The following GRM1 variants were observed in gnomAD, a reference collection of about 807,000 sequenced individuals.
GRM1 encodes glutamate metabotropic receptor 1.
A neutral mutation model predicts 90.9 loss-of-function variants in GRM1; 33 were observed. The observed-to-expected ratio is 0.36, with a 90% CI of 0.28 to 0.49. The LOEUF (loss-of-function observed/expected upper bound fraction) is 0.49. GRM1 is among the 20% of genes least tolerant of loss of function. GRM1 has a pLI of 0.99. For missense variants in GRM1, 1,190 were observed against 1,534.3 expected, an observed-to-expected ratio of 0.78 and a Z score of 3.75; for synonymous variants, 700 against 613.2, an observed-to-expected ratio of 1.14 and a Z score of -2.09.
intron 1 of GRM1, among the ~76,000 whole-genome samples, chr6:146,143,584 T>C (rs912372741): frequency 1.3e-5 from 2 of 152,214 alleles, no homozygotes; most frequent in Non-Finnish European, 2.9e-5. Flanking sequence ...AGTGACTGCA[T>C]ACCTAAAAAT....
intron 2 of GRM1, among the ~76,000 whole-genome samples, chr6:146,284,121 C>T (rs1782677787): frequency 6.6e-6 from 1 of 151,988 alleles, no homozygotes; most frequent in African/African-American, 2.4e-5. Flanking sequence ...TGATGAAAAC[C>T]CAGGGGTGCT....
chr6:146,041,352 A>T (rs867376185), intron 1 of GRM1, among the ~76,000 whole-genome samples: 10 of 151,978 alleles, frequency 6.6e-5, no homozygotes, highest in Admixed American at 6.6e-5. Flanking sequence ...TTAGTTATTT[A>T]TCCCAGTCTT....
At chr6:146,042,756 T>C (rs1791162561) in intron 1 of GRM1, among the ~76,000 whole-genome samples, 2 of 151,988 alleles carry the variant, frequency 1.3e-5, no homozygotes, top group Admixed American at 6.6e-5. Flanking sequence ...CTCTTCACTA[T>C]TGTACAGCCC....
chr6:146,298,623 G>C (rs1783268281), intron 2 of GRM1, among the ~76,000 whole-genome samples: 1 of 152,160 alleles, frequency 6.6e-6, no homozygotes, highest in South Asian at 2.1e-4. Flanking sequence ...GACTTTTCTG[G>C]AGGGGACTTT....
chr6:146,311,898 G>C (rs362945), intron 3 of GRM1, among the ~76,000 whole-genome samples: 57,804 of 151,922 alleles, frequency 0.38, 15,285 homozygotes, highest in African/African-American at 0.76. Flanking sequence ...TTTATTAGGT[G>C]ATTGAAATTT....
At chr6:146,287,417 TATA>T (rs1417880791) in intron 2 of GRM1, among the ~76,000 whole-genome samples, 1 of 152,218 alleles carries the variant, frequency 6.6e-6, no homozygotes, top group Admixed American at 6.5e-5. Flanking sequence ...AAGGTACAGA[TATA>T]AAGTTTCATT....
In GRM1 at chr6:146,399,696, C is replaced by A. The variant is rs781590901; in HGVS notation, c.2657C>A (p.Ala886Asp). 5 of 1,600,972 alleles carry A rather than the reference C, an allele frequency of 3.1e-6. No individual in the cohort carries two copies. In the South Asian group the frequency reaches 5.5e-5, roughly 18 times the overall value. ...FRRKKAGAGN[A>D]NSNGKSVSWS... ...AGAAAGAAGGCAGGGGCAGGGAATG[C>A]CAAGTGAGTTATCTGACCTGTTTGT... Residue 886 changes from alanine (A) to aspartate (D), a missense_variant, in exon 7 of 8, where the codon GCC (alanine) becomes GAC (aspartate). This residue lies in a region of GRM1 where 400 missense variants were observed against 360.8 expected (regional missense o/e 1.11). Transcript: ENST00000282753. This position sits in a 1 kb window ranked among gnomAD's most constrained non-coding sequence, Gnocchi z 5.4.
chr6:146,230,255 C>T (rs1780401142), intron 2 of GRM1, among the ~76,000 whole-genome samples: 1 of 151,936 alleles, frequency 6.6e-6, no homozygotes, highest in South Asian at 2.1e-4. Flanking sequence ...AAAATATTAA[C>T]AAAAGACAAA....
At chr6:146,401,599 G>A (rs1320544593) in intron 7 of GRM1, among the ~76,000 whole-genome samples, 7 of 152,054 alleles carry the variant, frequency 4.6e-5, no homozygotes, top group Middle Eastern at 3.2e-3. Context: ...TTTTCTGAGG[G>A]CTCCATTACA....
At chr6:146,154,870 C>G (rs1347786087) in intron 1 of GRM1, among the ~76,000 whole-genome samples, 1 of 152,190 alleles carries the variant, frequency 6.6e-6, no homozygotes, top group Non-Finnish European at 1.5e-5. Context: ...TATTATTAAT[C>G]TTTGAACTTC....
intron 2 of GRM1, among the ~76,000 whole-genome samples, chr6:146,260,873 A>G (rs1429108145): frequency 2.9e-5 from 1 of 34,218 alleles, no homozygotes; most frequent in Non-Finnish European, 5.9e-5. Context: ...TGATTTTTCT[A>G]TTTCTCCTTT....
intron 2 of GRM1, among the ~76,000 whole-genome samples, chr6:146,172,619 A>G (rs1778176114): frequency 6.6e-6 from 1 of 152,104 alleles, no homozygotes; most frequent in African/African-American, 2.4e-5. Flanking sequence ...GAACTTGATA[A>G]AAAGTAAGAA....
At chr6:146,191,882 A>G (rs1197352891) in intron 2 of GRM1, among the ~76,000 whole-genome samples, 4 of 152,286 alleles carry the variant, frequency 2.6e-5, no homozygotes, top group South Asian at 2.1e-4. Flanking sequence ...TGTGCTGAAT[A>G]TAAATGGTTT....
intron 5 of GRM1, among the ~76,000 whole-genome samples, chr6:146,373,933 T>G (rs1195079115): frequency 3.9e-5 from 6 of 152,120 alleles, no homozygotes; most frequent in Admixed American, 3.9e-4. Context: ...GTATCCTTGT[T>G]GTGCTCCACA....
chr6:146,121,004 A>C (rs1273497222), intron 1 of GRM1, among the ~76,000 whole-genome samples: 2 of 152,164 alleles, frequency 1.3e-5, no homozygotes, highest in Non-Finnish European at 2.9e-5. Flanking sequence ...ATAGTTTCAG[A>C]AGGAATGGTA....
rs776455290 is a variant in GRM1, at chr6:146,426,521, C to A, written c.2661-7351C>A. ...CCATATCTGTACACATGTATAACCC[C>A]CTCGCTCACTGGGTGTCTTTTTCTT... On this transcript the variant is annotated intron_variant, in intron 7 of 7. Transcript: ENST00000282753. The A allele has an allele frequency of 3.2e-6, 5 of 1,586,946 alleles. No homozygotes were observed. The South Asian group carries it at 4.6e-5, about 15-fold the overall frequency.
At chr6:146,341,805 C>T (rs969315974) in intron 3 of GRM1, among the ~76,000 whole-genome samples, 4 of 152,160 alleles carry the variant, frequency 2.6e-5, no homozygotes, top group East Asian at 1.9e-4. Flanking sequence ...CCAGTCTTAA[C>T]GAGAAGCCTT....
intron 2 of GRM1, among the ~76,000 whole-genome samples, chr6:146,294,083 T>A (rs1363753928): frequency 6.6e-6 from 1 of 151,806 alleles, no homozygotes; most frequent in African/African-American, 2.4e-5. Context: ...ATCATTTTTA[T>A]TACATCTTTC....
intron 2 of GRM1, among the ~76,000 whole-genome samples, chr6:146,294,520 G>A (rs928951666): frequency 6.6e-6 from 1 of 151,040 alleles, no homozygotes; most frequent in Non-Finnish European, 1.5e-5. Context: ...GTATGCCATC[G>A]AAACACATTC....
Sources: gnomAD v4.1 joint callset for allele counts (sites outside exome capture counted in the v4.1 genomes callset) on GRCh38, gnomAD v4.1.1 for gene constraint, gnomAD v4.1.1 regional missense constraint, Gnocchi (gnomAD v3.1) non-coding constraint, MANE v1.5 for transcripts, NCBI Gene and HGNC (gene_info 2026-07-23, HGNC 2026-07-21) for gene names.